The following ARID1A variants were observed in gnomAD, a reference collection of about 807,000 sequenced individuals.
The protein encoded by ARID1A is AT-rich interaction domain 1A.
ARID1A carries 20 observed loss-of-function variants against 212.6 expected under a neutral mutation model. The observed-to-expected ratio is 0.09, with a 90% CI of 0.07 to 0.14. The LOEUF (loss-of-function observed/expected upper bound fraction) is 0.14, where lower values mean the gene tolerates loss of function less well. ARID1A is among the 10% of genes least tolerant of loss of function. ARID1A has a pLI of 1.00. For missense variants in ARID1A, 2,587 were observed against 3,059.0 expected, an observed-to-expected ratio of 0.85 and a Z score of 3.64; for synonymous variants, 1,376 against 1,222.1, an observed-to-expected ratio of 1.13 and a Z score of -2.63.
intron 1 of ARID1A, among the ~76,000 whole-genome samples, chr1:26,710,647 C>T (rs953298228): frequency 7.2e-5 from 11 of 152,034 alleles, no homozygotes; most frequent in African/African-American, 1.7e-4. Flanking sequence ...CCAGTCCTAT[C>T]GAATCCAAAA....
chr1:26,750,856 G>C (rs1246428879), intron 4 of ARID1A, among the ~76,000 whole-genome samples: 2 of 152,010 alleles, frequency 1.3e-5, no homozygotes, highest in African/African-American at 4.8e-5. Flanking sequence ...GTGAGAAAAA[G>C]TACTGTACCC....
At chr1:26,732,871 GT>G in intron 4 of ARID1A, 79 bp downstream of exon 4, 1 of 1,281,544 alleles carries the variant, frequency 7.8e-7, no homozygotes, top group Non-Finnish European at 1.1e-6. Flanking sequence ...CTGGTTGGAA[GT>G]TTAGCTAATT....
chr1:26,714,027 G>A (rs1013208372), intron 1 of ARID1A, among the ~76,000 whole-genome samples: 2 of 152,234 alleles, frequency 1.3e-5, no homozygotes, highest in Non-Finnish European at 2.9e-5. Flanking sequence ...TTACCAAAGG[G>A]AAATTTTGAG....
intron 1 of ARID1A, among the ~76,000 whole-genome samples, chr1:26,710,305 A>G (rs2080438279): frequency 6.6e-6 from 1 of 151,284 alleles, no homozygotes; most frequent in African/African-American, 2.4e-5. Context: ...GTGGTGGCGG[A>G]TGCCTGTAGT....
chr1:26,779,426 A>G lies in ARID1A; in HGVS notation c.5528A>G (p.His1843Arg). Residue 1843 changes from histidine to arginine, a missense_variant, in exon 20 of 20, where the codon CAC (histidine) becomes CGC (arginine). Around this residue, in one of 11 missense-constraint regions of ARID1A, gnomAD observed 890 missense variants for 1,098.2 expected, o/e 0.81. Coordinates refer to ENST00000324856, the MANE Select transcript of ARID1A (RefSeq NM_006015.6). Reference sequence around the variant, plus strand: ...CAGGAGTTTGACAGTGGCCTGCTGCACTGGCGGATTGGTGGGGGGGACACC... The same window carrying G: ...CAGGAGTTTGACAGTGGCCTGCTGCGCTGGCGGATTGGTGGGGGGGACACC... ...RVQEFDSGLL[H>R]WRIGGGDTTE... is the part of the protein sequence containing the mutation. The G allele has an allele frequency of 1.9e-6, 3 of 1,614,138 alleles. No homozygotes were observed. Among genetic ancestry groups the G allele is most frequent in the Non-Finnish European group, 2.5e-6 (3 of 1,180,028 alleles).
chr1:26,772,654 G>A (rs2124105211), intron 13 of ARID1A, 22 bp downstream of exon 13: 1 of 1,614,236 alleles, frequency 6.2e-7, no homozygotes, highest in Non-Finnish European at 8.5e-7. Context: ...AGCAGGGGCA[G>A]ATGGTTGGGA....
At chr1:26,749,095 G>A (rs1324279735) in intron 4 of ARID1A, among the ~76,000 whole-genome samples, 3 of 152,134 alleles carry the variant, frequency 2.0e-5, no homozygotes, top group Non-Finnish European at 4.4e-5. Flanking sequence ...AACCCGGGAG[G>A]CAGAGCTTGC....
Position 26,696,047 on chromosome 1 carries a change from A to G in ARID1A, c.-357A>G. The G allele has an allele frequency of 1.4e-6, 1 of 694,486 alleles. No individual in the cohort carries two copies. Among genetic ancestry groups the G allele is most frequent in the Non-Finnish European group, 1.8e-6 (1 of 563,272 alleles). The allele number at this position is 694,486 out of a possible 1,614,324, so 43.0% of individuals were successfully genotyped here. On this transcript the variant is annotated 5_prime_UTR_variant, in exon 1 of 20. Coordinates refer to ENST00000324856, the MANE Select transcript of ARID1A (RefSeq NM_006015.6). ...CTCCGGCAGCAGAAAGCGGAGAGTC[A>G]CAGCGGGGCCAGGCCCTGGGGAGCG...
intron 1 of ARID1A, among the ~76,000 whole-genome samples, chr1:26,699,208 C>T (rs1176878786): frequency 6.6e-6 from 1 of 152,136 alleles, no homozygotes; most frequent in Non-Finnish European, 1.5e-5. Context: ...GAAGATACGA[C>T]CTAGAATGAC....
intron 4 of ARID1A, among the ~76,000 whole-genome samples, chr1:26,757,682 T>C (rs2080954552): frequency 6.6e-6 from 1 of 151,944 alleles, no homozygotes; most frequent in East Asian, 1.9e-4. Flanking sequence ...TTTTTTTTTT[T>C]CTTGAGACGG....
chr1:26,757,830 G>A (rs539451987), intron 4 of ARID1A, among the ~76,000 whole-genome samples: 50 of 152,028 alleles, frequency 3.3e-4, no homozygotes, highest in African/African-American at 8.0e-4. Context: ...CACCACGCCC[G>A]GGTTTTGCCA....
At chr1:26,703,052 G>C (rs536869409) in intron 1 of ARID1A, among the ~76,000 whole-genome samples, 5 of 152,256 alleles carry the variant, frequency 3.3e-5, no homozygotes, top group African/African-American at 1.2e-4. Context: ...CAATTTTGCT[G>C]TTGTGCTGGG....
chr1:26,745,717 C>T (rs987766021), intron 4 of ARID1A, among the ~76,000 whole-genome samples: 8 of 152,272 alleles, frequency 5.3e-5, no homozygotes, highest in African/African-American at 1.9e-4. Flanking sequence ...GTTGCTTTTA[C>T]TGTTAGGACC....
rs993324701 is a variant in ARID1A at position 26,729,798 on chromosome 1, C to A, written c.1285C>A (p.Arg429=). The change falls in exon 2 of 20, where the codon CGG becomes AGG. Residue 429 remains arginine, a synonymous_variant. Transcript: ENST00000324856. The part of the protein sequence containing the change: ...GQPYGSQTPQ[R]YPMTMQGRAQ... ...GCCATACGGGTCCCAGACCCCGCAG[C>A]GGTACCCGATGACCATGCAGGGCCG... is the stretch of plus-strand genomic sequence containing the variant. 1.2e-6 allele frequency: 2 copies of A among 1,614,222 alleles called. No individual in the cohort carries two copies. The highest frequency in any genetic ancestry group is 1.7e-6 in the Non-Finnish European group (2 of 1,180,036).
intron 4 of ARID1A, among the ~76,000 whole-genome samples, chr1:26,752,162 G>T (rs1040326453): frequency 6.6e-6 from 1 of 152,122 alleles, no homozygotes; most frequent in African/African-American, 2.4e-5. Flanking sequence ...TTTTCTTCCC[G>T]TTCCTTAGTA....
chr1:26,762,887 T>G, intron 7 of ARID1A, 86 bp from the exon 8 acceptor site: 97 of 1,285,476 alleles, frequency 7.5e-5, no homozygotes, highest in Non-Finnish European at 8.9e-5. Flanking sequence ...AAATATTGAA[T>G]GACATTGTTT....
chr1:26,756,574 A>AC (rs1557605195), intron 4 of ARID1A, among the ~76,000 whole-genome samples: 2 of 151,660 alleles, frequency 1.3e-5, no homozygotes, highest in East Asian at 1.9e-4. Context: ...TAAAAAAAAA[A>AC]AAAACAAAAA....
intron 11 of ARID1A, 92 bp downstream of exon 11, chr1:26,768,091 C>A: frequency 1.5e-6 from 2 of 1,334,338 alleles, no homozygotes; most frequent in Non-Finnish European, 2.1e-6. Flanking sequence ...ATGCATCCCA[C>A]AGGGACATCA....
At chr1:26,697,904 G>A (rs1001753582) in intron 1 of ARID1A, among the ~76,000 whole-genome samples, 1 of 151,978 alleles carries the variant, frequency 6.6e-6, no homozygotes, top group Non-Finnish European at 1.5e-5. Context: ...GCAGTGGTAG[G>A]AGCCCAGGAG....
Sources: gnomAD v4.1 joint callset for allele counts (sites outside exome capture counted in the v4.1 genomes callset) on GRCh38, gnomAD v4.1.1 for gene constraint, gnomAD v4.1.1 regional missense constraint, MANE v1.5 for transcripts, NCBI Gene and HGNC (gene_info 2026-07-23, HGNC 2026-07-21) for gene names.